DHRSX: variants seen among roughly 807,000 people sequenced by gnomAD.
DHRSX encodes polyprenol dehydrogenase.
DHRSX carries 31 observed loss-of-function variants against 34.0 expected under a neutral mutation model. The ratio of observed to expected loss-of-function variants is 0.91; its 90% CI spans 0.69 to 1.23. The LOEUF is 1.23. DHRSX is among the 50% of genes most tolerant of loss of function. The pLI, the probability that DHRSX is intolerant of heterozygous loss-of-function variation, is 0.00. For synonymous variants in DHRSX, 201 were observed against 183.8 expected (o/e 1.09, Z -0.76); for missense variants, 414 against 428.1 (o/e 0.97, Z 0.29).
intron 1 of DHRSX, among the ~76,000 whole-genome samples, chrX:2,467,780 G>A (rs934295634): frequency 2.1e-4 from 32 of 151,998 alleles, no homozygotes; most frequent in Admixed American, 1.1e-3. Flanking sequence ...TTTGAGACCA[G>A]CCTGACCAAC....
chrX:2,289,559 C>T (rs2041843278), intron 4 of DHRSX, among the ~76,000 whole-genome samples: 3 of 152,166 alleles, frequency 2.0e-5, no homozygotes, highest in Admixed American at 2.0e-4. Flanking sequence ...GTATGTATTT[C>T]CATCTCCAAC....
At chrX:2,293,996 A>G (rs2041898317) in intron 3 of DHRSX, among the ~76,000 whole-genome samples, 1 of 151,918 alleles carries the variant, frequency 6.6e-6, no homozygotes, top group African/African-American at 2.4e-5. Flanking sequence ...TCACCATCAG[A>G]GAGAGAGAAG....
intron 1 of DHRSX, among the ~76,000 whole-genome samples, chrX:2,497,843 C>A (rs1197929561): frequency 6.6e-6 from 1 of 152,210 alleles, no homozygotes; most frequent in East Asian, 1.9e-4. Flanking sequence ...TGATCATTTT[C>A]AACAGATTTC....
chrX:2,424,792 A>G (rs2043821575), intron 2 of DHRSX, among the ~76,000 whole-genome samples: 1 of 152,172 alleles, frequency 6.6e-6, no homozygotes, highest in Admixed American at 6.5e-5. Flanking sequence ...ATGCACATCA[A>G]CATTTGCATA....
At position 2,481,632 on chromosome X, in the gene DHRSX, C is replaced by T. The variant is rs1379821077; in HGVS notation, c.109+19185G>A. 6.6e-5 allele frequency among the ~76,000 whole-genome samples: 10 copies of T among 151,968 alleles called. No homozygotes were observed. In the East Asian group the frequency reaches 1.9e-3, roughly 29 times the overall value. ...TGTGAGCCGAGATCGTGCCATTGCA[C>T]TCCAGCCTGGGCAACAAGAGTGAAA... On this transcript the variant is annotated intron_variant, in intron 1 of 6. Coordinates refer to ENST00000334651, the MANE Select transcript of DHRSX (RefSeq NM_145177.3).
intron 4 of DHRSX, among the ~76,000 whole-genome samples, chrX:2,284,661 A>C (rs1190388402): frequency 6.6e-6 from 1 of 152,220 alleles, no homozygotes; most frequent in African/African-American, 2.4e-5. Context: ...AAAATCTATC[A>C]ATTTTCAGAC....
At chrX:2,237,118 G>C (rs1489160181) in intron 6 of DHRSX, among the ~76,000 whole-genome samples, 1 of 151,938 alleles carries the variant, frequency 6.6e-6, no homozygotes, top group African/African-American at 2.4e-5. Flanking sequence ...CCCAGGAGGC[G>C]GAGGTTGCAG....
At chrX:2,443,099 C>G (rs1327578934) in intron 1 of DHRSX, among the ~76,000 whole-genome samples, 1 of 152,142 alleles carries the variant, frequency 6.6e-6, no homozygotes, top group African/African-American at 2.4e-5. Context: ...GTGGTGTGAT[C>G]ATGGCTCACT....
intron 3 of DHRSX, among the ~76,000 whole-genome samples, chrX:2,312,450 C>A (rs2042175055): frequency 6.6e-6 from 1 of 152,034 alleles, no homozygotes; most frequent in African/African-American, 2.4e-5. Context: ...TGGAAACCAT[C>A]ATTCTCAGGA....
intron 1 of DHRSX, among the ~76,000 whole-genome samples, chrX:2,474,776 TC>T (rs1462778931): frequency 2.0e-5 from 3 of 149,578 alleles, no homozygotes; most frequent in African/African-American, 7.4e-5. Flanking sequence ...CTGAAGACGT[TC>T]CCTAAGCATG....
At chrX:2,243,798 T>TTG (rs2016208093) in intron 5 of DHRSX, among the ~76,000 whole-genome samples, 1 of 93,822 alleles carries the variant, frequency 1.1e-5, no homozygotes, top group Non-Finnish European at 2.0e-5. Context: ...GTTTTTTTTT[T>TTG]TTTTTTTTTT....
intron 3 of DHRSX, among the ~76,000 whole-genome samples, chrX:2,382,472 C>G (rs925505416): frequency 6.6e-6 from 1 of 152,018 alleles, no homozygotes; most frequent in African/African-American, 2.4e-5. Context: ...CCACCATCAC[C>G]AACATCATAG....
intron 3 of DHRSX, among the ~76,000 whole-genome samples, chrX:2,330,670 GAGA>G (rs1159426852): frequency 6.3e-5 from 8 of 127,832 alleles, no homozygotes; most frequent in African/African-American, 4.1e-5. Context: ...GGAGAAGAAG[GAGA>G]AGGAGGAGGA....
chrX:2,412,929 T>C (rs1280127123), intron 2 of DHRSX, among the ~76,000 whole-genome samples: 3 of 152,110 alleles, frequency 2.0e-5, no homozygotes, highest in African/African-American at 7.2e-5. Flanking sequence ...AGGCGTGGTA[T>C]CTCATGCCTG....
intron 1 of DHRSX, chrX:2,487,736 TTC>T (rs1491300677): frequency 7.2e-5 from 11 of 152,092 alleles, no homozygotes; most frequent in Non-Finnish European, 1.3e-4. Context: ...ACACTTTTTT[TTC>T]TGTTTGCTTT....
intron 5 of DHRSX, among the ~76,000 whole-genome samples, chrX:2,249,512 C>CTTTT (rs1265114813): frequency 2.6e-5 from 3 of 116,830 alleles, no homozygotes; most frequent in African/African-American, 1.1e-4. Context: ...CCTTTTTGTG[C>CTTTT]CTTTTTTTTT....
intron 3 of DHRSX, among the ~76,000 whole-genome samples, chrX:2,339,479 C>T (rs1460715334): frequency 6.6e-6 from 1 of 151,948 alleles, no homozygotes; most frequent in Non-Finnish European, 1.5e-5. Context: ...GATTTTGGTG[C>T]ACCCATTACC....
intron 3 of DHRSX, among the ~76,000 whole-genome samples, chrX:2,328,248 A>AC (rs2042413270): frequency 6.6e-6 from 1 of 151,536 alleles, no homozygotes; most frequent in South Asian, 2.1e-4. Context: ...GGGAGAATAA[A>AC]CGTCTGTTGT....
At chrX:2,466,853 G>A (rs1226652585) in intron 1 of DHRSX, among the ~76,000 whole-genome samples, 2 of 152,022 alleles carry the variant, frequency 1.3e-5, no homozygotes, top group Non-Finnish European at 2.9e-5. Context: ...ATCACCTGAG[G>A]CAAGGAGTTC....
Sources: gnomAD v4.1 joint callset for allele counts (sites outside exome capture counted in the v4.1 genomes callset) on GRCh38, gnomAD v4.1.1 for gene constraint, MANE v1.5 for transcripts, NCBI Gene and HGNC (gene_info 2026-07-23, HGNC 2026-07-21) for gene names.